Variants in NR1I2 observed in about 807,000 individuals in gnomAD.
The protein encoded by NR1I2 is nuclear receptor subfamily 1 group I member 2, also known as orphan nuclear receptor PAR1.
NR1I2 carries 42 observed loss-of-function variants against 43.3 expected under a neutral mutation model. The observed-to-expected ratio is 0.97, with a 90% CI of 0.76 to 1.26. The LOEUF is 1.26. NR1I2 is among the 50% of genes most tolerant of loss of function. NR1I2 has a pLI of 0.00. For synonymous variants in NR1I2, 229 were observed against 215.0 expected (o/e 1.06, Z -0.57); for missense variants, 559 against 566.7 (o/e 0.99, Z 0.14).
chr3:119,816,095 C>T (rs772498644), intron 8 of NR1I2, among the ~76,000 whole-genome samples: 1 of 152,242 alleles, frequency 6.6e-6, no homozygotes, highest in African/African-American at 2.4e-5. Context: ...CTGATGCCCA[C>T]AGACCCAGAG....
chr3:119,815,379 A>C lies in NR1I2; in HGVS notation c.994A>C (p.Lys332Gln). The change falls in exon 7 of 9, where the codon AAG becomes CAG. Residue 332 changes from lysine (K) to glutamine (Q), a missense_variant. Around this residue, in one of 3 missense-constraint regions of NR1I2, gnomAD observed 323 missense variants for 312.2 expected, o/e 1.03. Coordinates refer to ENST00000393716, the MANE Select transcript of NR1I2 (RefSeq NM_003889.4). ...GCTGAAATTCCACTACATGCTGAAG[A>C]AGCTGCAGCTGCATGAGGAGGAGTA... 1 of 1,613,836 alleles carries C rather than the reference A, an allele frequency of 6.2e-7. No individual in the cohort carries two copies.
intron 1 of NR1I2, among the ~76,000 whole-genome samples, chr3:119,790,279 T>A (rs1025828171): frequency 3.3e-5 from 5 of 152,234 alleles, no homozygotes; most frequent in African/African-American, 1.2e-4. Context: ...TATTGTAGTA[T>A]GTCCCATGTT....
chr3:119,792,460 A>C, intron 1 of NR1I2: 1 of 1,144,804 alleles, frequency 8.7e-7, no homozygotes, highest in South Asian at 1.3e-5. Context: ...GCAAGCTGGA[A>C]GCTGCAGAGG....
chr3:119,815,446 A>T lies in NR1I2; in HGVS notation c.1054+7A>T. 1.3e-6 allele frequency: 2 copies of T among 1,597,560 alleles called. No homozygotes were observed. The highest frequency in any genetic ancestry group is 1.7e-6 in the Non-Finnish European group (2 of 1,166,520). On this transcript the variant is annotated splice_region_variant and intron_variant, in intron 7 of 8. Transcript: ENST00000393716. The stretch of plus-strand genomic sequence containing the variant: ...ATCTCCCTCTTCTCCCCAGGTGAGG[A>T]TCTCCCCTAGGCTGCCTGACATCCC...
chr3:119,792,313 T>C, intron 1 of NR1I2: 1 of 1,443,500 alleles, frequency 6.9e-7, no homozygotes, highest in South Asian at 1.2e-5. Flanking sequence ...GGGCTCATCC[T>C]GGATGATGTG....
intron 3 of NR1I2, 34 bp downstream of exon 3, chr3:119,810,228 G>T: frequency 6.4e-7 from 1 of 1,563,852 alleles, no homozygotes; most frequent in African/African-American, 1.4e-5. Flanking sequence ...GCCGGCGCCG[G>T]GGTGCACGGC....
At chr3:119,795,378 G>C (rs994445857) in intron 1 of NR1I2, among the ~76,000 whole-genome samples, 5 of 152,190 alleles carry the variant, frequency 3.3e-5, no homozygotes, top group Admixed American at 6.5e-5. Context: ...TCAGTCTCCT[G>C]CTCTGCTCAG....
At position 119,810,178 on chromosome 3, in the gene NR1I2, C is replaced by T. The variant is rs150651210; in HGVS notation, c.315C>T (p.Ser105=). The change falls in exon 3 of 9, where the codon AGC becomes AGT. Residue 105 remains serine, a synonymous_variant. Transcript: ENST00000393716. ...GCCGCCTGCGCAAGTGCCTGGAGAG[C>T]GGCATGAAGAAGGAGAGTGAGCAGT... The T allele has an allele frequency of 1.6e-3, 2,600 of 1,609,474 alleles. 29 individuals carry two copies. The African/African-American group carries it at 0.029, about 18-fold the overall frequency.
intron 1 of NR1I2, among the ~76,000 whole-genome samples, chr3:119,799,980 A>AC (rs2055055563): frequency 1.5e-5 from 2 of 135,260 alleles, no homozygotes; most frequent in African/African-American, 5.1e-5. Flanking sequence ...ACAAACAAAC[A>AC]AACAAACACA....
intron 1 of NR1I2, among the ~76,000 whole-genome samples, chr3:119,804,781 C>T (rs868643895): frequency 1.1e-4 from 17 of 152,252 alleles, no homozygotes; most frequent in Middle Eastern, 3.4e-3. Context: ...TCTGTGTTTT[C>T]TATTCGTCTC....
chr3:119,804,105 C>G (rs150383333), intron 1 of NR1I2, among the ~76,000 whole-genome samples: 3,645 of 150,926 alleles, frequency 0.024, 145 homozygotes, highest in African/African-American at 0.082. Context: ...GGCACGGTGG[C>G]TCACGCCTGT....
At chr3:119,782,949 A>C in intron 1 of NR1I2, 1 of 1,006,984 alleles carries the variant, frequency 9.9e-7, no homozygotes, top group South Asian at 1.3e-5. Context: ...TCTTCTCTCC[A>C]CTTTACAGCC....
intron 8 of NR1I2, 26 bp downstream of exon 8, chr3:119,815,857 C>T (rs978735145): frequency 3.2e-6 from 5 of 1,563,754 alleles, no homozygotes; most frequent in Middle Eastern, 1.7e-4. Flanking sequence ...GGTGAGGACC[C>T]GTGAGGGTGA....
chr3:119,800,825 C>G (rs1174043882), intron 1 of NR1I2, among the ~76,000 whole-genome samples: 2 of 152,174 alleles, frequency 1.3e-5, no homozygotes, highest in African/African-American at 4.8e-5. Context: ...TTAAAGGAGT[C>G]CCATGGCATG....
At chr3:119,805,408 T>C (rs2055142435) in intron 1 of NR1I2, among the ~76,000 whole-genome samples, 1 of 152,190 alleles carries the variant, frequency 6.6e-6, no homozygotes, top group Non-Finnish European at 1.5e-5. Flanking sequence ...GGAGGATTTC[T>C]GGCCAGACGC....
chr3:119,815,090 C>A lies in NR1I2; in HGVS notation c.906C>A (p.Gly302=), dbSNP rs201819659. 6.2e-7 allele frequency: 1 copy of A among 1,614,120 alleles called. No homozygotes were observed. Among genetic ancestry groups the A allele is most frequent in the Admixed American group, 1.7e-5 (1 of 60,002 alleles). The change falls in exon 6 of 9, where the codon GGC becomes GGA. Residue 302 remains glycine, a synonymous_variant. Transcript: ENST00000393716. ...CGGAGACTGGAACCTGGGAGTGTGG[C>A]CGGCTGTCCTACTGCTTGGAAGACA...
intron 1 of NR1I2, among the ~76,000 whole-genome samples, chr3:119,785,979 G>C (rs963022532): frequency 1.3e-5 from 2 of 151,908 alleles, no homozygotes; most frequent in African/African-American, 4.8e-5. Context: ...TATTCCTCTT[G>C]GTTAACCAAG....
intron 3 of NR1I2, 87 bp from the exon 4 acceptor site, chr3:119,811,452 C>A: frequency 7.5e-7 from 1 of 1,331,404 alleles, no homozygotes; most frequent in Non-Finnish European, 1.0e-6. Context: ...GCTTCTGCTG[C>A]CTTGAGAGGG....
chr3:119,815,187 G>A (rs2055306247), intron 6 of NR1I2, 66 bp downstream of exon 6: 3 of 1,609,400 alleles, frequency 1.9e-6, no homozygotes, highest in Non-Finnish European at 2.6e-6. Flanking sequence ...GAGGAAGGGA[G>A]CTACGCCAGG....
Sources: allele counts gnomAD v4.1 joint callset (sites outside exome capture counted in the v4.1 genomes callset), GRCh38; gene constraint gnomAD v4.1.1; regional missense constraint gnomAD v4.1.1; transcripts MANE v1.5; gene names NCBI Gene and HGNC (gene_info 2026-07-23, HGNC 2026-07-21).